PTPRT: variants seen among roughly 807,000 people sequenced by gnomAD.
PTPRT encodes the protein receptor-type tyrosine-protein phosphatase T.
A neutral mutation model predicts 176.8 loss-of-function variants in PTPRT; 56 were observed. The ratio of observed to expected loss-of-function variants is 0.32; its 90% CI spans 0.26 to 0.40. The LOEUF is 0.40. Among genes scored for constraint, PTPRT ranks in the 10% least tolerant of loss-of-function variants. The pLI is 1.00. For synonymous variants in PTPRT, 783 were observed against 739.0 expected, an observed-to-expected ratio of 1.06 and a Z score of -0.96; for missense variants, 1,540 against 1,908.2, an observed-to-expected ratio of 0.81 and a Z score of 3.60.
At chr20:42,390,916 T>C (rs573270318) in intron 9 of PTPRT, among the ~76,000 whole-genome samples, 2 of 152,316 alleles carry the variant, frequency 1.3e-5, no homozygotes, top group African/African-American at 4.8e-5. Flanking sequence ...AATTAGGTTA[T>C]GGAGTCAGAA....
chr20:42,973,182 G>A (rs183600526), intron 1 of PTPRT, among the ~76,000 whole-genome samples: 3 of 152,096 alleles, frequency 2.0e-5, no homozygotes, highest in Admixed American at 2.0e-4. Flanking sequence ...AGGGAGAAAG[G>A]AAGAATGAGG....
chr20:42,702,494 G>T (rs552107823), intron 6 of PTPRT, among the ~76,000 whole-genome samples: 7 of 152,216 alleles, frequency 4.6e-5, no homozygotes, highest in African/African-American at 7.2e-5. Context: ...TACTGCATCT[G>T]ACAAAGCTCC....
At chr20:42,963,460 T>C (rs1209929045) in intron 1 of PTPRT, among the ~76,000 whole-genome samples, 1 of 151,508 alleles carries the variant, frequency 6.6e-6, no homozygotes, top group Non-Finnish European at 1.5e-5. Context: ...AATGGGGTCA[T>C]TTTTAAAAAA....
intron 6 of PTPRT, among the ~76,000 whole-genome samples, chr20:42,737,636 A>AAC (rs1028651474): frequency 2.0e-5 from 3 of 151,572 alleles, no homozygotes; most frequent in African/African-American, 7.3e-5. Flanking sequence ...TGCCTCCAAA[A>AAC]AAAAAAAGGC....
intron 2 of PTPRT, among the ~76,000 whole-genome samples, chr20:42,821,739 A>G (rs2077898145): frequency 6.6e-6 from 1 of 152,190 alleles, no homozygotes; most frequent in South Asian, 2.1e-4. Flanking sequence ...CAATGTGCAA[A>G]TATCACAAGC....
intron 6 of PTPRT, among the ~76,000 whole-genome samples, chr20:42,726,228 C>T (rs2076379463): frequency 6.6e-6 from 1 of 152,050 alleles, no homozygotes; most frequent in African/African-American, 2.4e-5. Context: ...CTCAGGCACA[C>T]ATCAGCACAC....
intron 7 of PTPRT, among the ~76,000 whole-genome samples, chr20:42,645,958 G>A (rs1162044731): frequency 6.6e-6 from 1 of 152,088 alleles, no homozygotes; most frequent in African/African-American, 2.4e-5. Context: ...ATAACTGAAT[G>A]AAAAGAATCC....
intron 2 of PTPRT, among the ~76,000 whole-genome samples, chr20:42,807,117 G>A (rs1024034022): frequency 1.4e-4 from 22 of 152,232 alleles, no homozygotes; most frequent in African/African-American, 5.3e-4. Flanking sequence ...AGAACATTAA[G>A]TGCTTCAGAA....
rs76652978 is a variant in PTPRT at position 42,397,995 on chromosome 20, G to A, written c.1561-45710C>T. 2.1e-3 allele frequency among the ~76,000 whole-genome samples: 326 copies of A among 152,218 alleles called. 4 individuals are homozygous for A. The highest frequency in any genetic ancestry group is 0.016 in the Admixed American group (240 of 15,286). On this transcript the variant is annotated intron_variant, in intron 9 of 30. Coordinates refer to ENST00000373187, the MANE Select transcript of PTPRT (RefSeq NM_007050.6). ...AACTATTCAAAGAAATAGGCACCTAGTATCTCCACTGTAAATTTGAGGAAA... is the reference window on the plus strand; with the variant it reads ...AACTATTCAAAGAAATAGGCACCTAATATCTCCACTGTAAATTTGAGGAAA...
chr20:42,634,782 T>C (rs1051886789), intron 7 of PTPRT, among the ~76,000 whole-genome samples: 10 of 152,206 alleles, frequency 6.6e-5, no homozygotes, highest in African/African-American at 2.4e-5. Flanking sequence ...GACCAGACTG[T>C]AAATTCACAT....
chr20:42,746,490 G>A (rs1434560422), intron 6 of PTPRT, among the ~76,000 whole-genome samples: 4 of 152,070 alleles, frequency 2.6e-5, no homozygotes, highest in African/African-American at 9.7e-5. Flanking sequence ...AAATCTAGGG[G>A]AGCCGGCATT....
At chr20:42,351,968 G>A (rs932792029) in intron 10 of PTPRT, 116 bp downstream of exon 10, 7 of 932,768 alleles carry the variant, frequency 7.5e-6, no homozygotes, top group African/African-American at 4.9e-5. Flanking sequence ...GGACTGGATC[G>A]TCCTAATTCC....
chr20:42,169,009 A>G (rs1363143775), intron 16 of PTPRT, among the ~76,000 whole-genome samples: 1 of 152,228 alleles, frequency 6.6e-6, no homozygotes. Flanking sequence ...TGAAACAAAC[A>G]TGATACAATT....
chr20:42,546,888 A>G (rs906365323), intron 7 of PTPRT, among the ~76,000 whole-genome samples: 1 of 152,198 alleles, frequency 6.6e-6, no homozygotes, highest in Non-Finnish European at 1.5e-5. Flanking sequence ...TCCCCAAACA[A>G]TTACAACATC....
At chr20:43,052,930 C>T (rs534211131) in intron 1 of PTPRT, among the ~76,000 whole-genome samples, 1 of 152,232 alleles carries the variant, frequency 6.6e-6, no homozygotes, top group South Asian at 2.1e-4. Flanking sequence ...TAGGTATAGA[C>T]CCCAAAGATG....
At chr20:42,193,299 T>A (rs545301138) in intron 16 of PTPRT, among the ~76,000 whole-genome samples, 7 of 152,238 alleles carry the variant, frequency 4.6e-5, no homozygotes, top group Non-Finnish European at 7.3e-5. Context: ...TCTGCTAGGC[T>A]CCATGCCAGT....
intron 6 of PTPRT, among the ~76,000 whole-genome samples, chr20:42,727,203 C>T (rs913646157): frequency 1.3e-5 from 2 of 152,074 alleles, no homozygotes; most frequent in African/African-American, 2.4e-5. Context: ...GGCCTCCATC[C>T]CCCCCGTTCC....
At chr20:42,156,415 C>G (rs1471314608) in intron 17 of PTPRT, among the ~76,000 whole-genome samples, 8 of 152,334 alleles carry the variant, frequency 5.3e-5, no homozygotes, top group South Asian at 2.1e-4. Context: ...TTGTCTCTGT[C>G]TATACTCACT....
chr20:42,841,610 TACACACACACACACACACACACACAC>T (rs3973897), intron 2 of PTPRT, among the ~76,000 whole-genome samples: 10 of 140,908 alleles, frequency 7.1e-5, no homozygotes, highest in Non-Finnish European at 4.6e-5. Flanking sequence ...TAGTGTTAAA[TACACACACACACACACACACACACAC>T]ACACACACAC....
Sources: gnomAD v4.1 joint callset for allele counts (sites outside exome capture counted in the v4.1 genomes callset) on GRCh38, gnomAD v4.1.1 for gene constraint, MANE v1.5 for transcripts, NCBI Gene and HGNC (gene_info 2026-07-23, HGNC 2026-07-21) for gene names.